KIF6: variants seen among roughly 807,000 people sequenced by gnomAD.
KIF6 encodes kinesin family member 6.
Under a neutral mutation model 112.7 loss-of-function variants are expected in KIF6, and 106 were observed. The ratio of observed to expected loss-of-function variants is 0.94; its 90% CI spans 0.80 to 1.11. KIF6 has a LOEUF of 1.11. KIF6 is among the 50% of genes least tolerant of loss of function. KIF6 has a pLI of 0.00. For missense variants in KIF6, 929 were observed against 964.0 expected (o/e 0.96, Z 0.48); for synonymous variants, 339 against 339.9 (o/e 1.00, Z 0.03).
At chr6:39,390,516 T>G (rs1286964138) in intron 15 of KIF6, among the ~76,000 whole-genome samples, 2 of 152,136 alleles carry the variant, frequency 1.3e-5, no homozygotes, top group Non-Finnish European at 2.9e-5. Flanking sequence ...AGGCCAAGTA[T>G]ATACTGGTTT....
intron 13 of KIF6, among the ~76,000 whole-genome samples, chr6:39,534,670 G>T (rs375096499): frequency 8.6e-5 from 13 of 151,800 alleles, no homozygotes; most frequent in East Asian, 5.9e-4. Flanking sequence ...TTCCCCAATC[G>T]AGCAAGGCAG....
intron 4 of KIF6, among the ~76,000 whole-genome samples, 192 bp from the exon 5 acceptor site, chr6:39,635,150 A>T (rs1784560840): frequency 6.6e-6 from 1 of 151,966 alleles, no homozygotes; most frequent in African/African-American, 2.4e-5. Context: ...TTTAATGGCC[A>T]ACACCCATGA....
chr6:39,722,962 T>A (rs1361966542), intron 1 of KIF6, among the ~76,000 whole-genome samples: 1 of 152,180 alleles, frequency 6.6e-6, no homozygotes, highest in Non-Finnish European at 1.5e-5. Context: ...CAGTATTAAA[T>A]CCAAGACTCT....
intron 5 of KIF6, among the ~76,000 whole-genome samples, chr6:39,618,101 T>C (rs947876292): frequency 2.2e-4 from 34 of 152,318 alleles, no homozygotes; most frequent in African/African-American, 7.5e-4. Context: ...CTAAAAGGTT[T>C]CTTTGGTTAT....
At position 39,332,962 on chromosome 6, in the gene KIF6, C is replaced by A. The variant is rs1404349016; in HGVS notation, c.*3570G>T. ...CTGCAGCCTGAAAACTCACTGCAGGCAGTAAGTTGGAGCAATCATAGGGCT... is the reference window on the plus strand; with the variant it reads ...CTGCAGCCTGAAAACTCACTGCAGGAAGTAAGTTGGAGCAATCATAGGGCT... On this transcript the variant is annotated 3_prime_UTR_variant, in exon 23 of 23. Transcript: ENST00000287152. The A allele has an allele frequency of 1.3e-5, 2 of 152,114 alleles. No homozygotes were observed. Among genetic ancestry groups the A allele is most frequent in the African/African-American group, 2.4e-5 (1 of 41,402 alleles). The allele number at this position is 152,114 out of a possible 1,614,324, so 9.4% of individuals were successfully genotyped here. A position where few individuals can be genotyped will look rare whatever the true frequency, so the allele number is the denominator to read the frequency against.
chr6:39,370,263 A>T (rs1461064369), intron 16 of KIF6, among the ~76,000 whole-genome samples: 1 of 152,186 alleles, frequency 6.6e-6, no homozygotes, highest in African/African-American at 2.4e-5. Flanking sequence ...TGTTCTCAGG[A>T]TGCATATGAT....
At chr6:39,559,224 C>G (rs574640047) in intron 10 of KIF6, among the ~76,000 whole-genome samples, 56 of 152,228 alleles carry the variant, frequency 3.7e-4, no homozygotes, top group Non-Finnish European at 6.3e-4. Context: ...TTATTAGAAG[C>G]TGGTAAGAAG....
intron 13 of KIF6, among the ~76,000 whole-genome samples, chr6:39,453,222 G>T (rs527598204): frequency 2.0e-5 from 3 of 152,270 alleles, no homozygotes; most frequent in Non-Finnish European, 4.4e-5. Context: ...TTACCTCTTT[G>T]TCAGCTGCAA....
In KIF6 at chr6:39,405,275, A is replaced by G. The variant is rs577152262; in HGVS notation, c.1810+14673T>C. 3.6e-4 allele frequency among the ~76,000 whole-genome samples: 55 copies of G among 152,320 alleles called. No homozygotes were observed. In the South Asian group the frequency reaches 0.011, roughly 31 times the overall value. ...TATTAAACAGGAGTGGTGAGAGTCAACAACTTTGTCTTGCTGCCGATCTTA... is the reference window on the plus strand; with the variant it reads ...TATTAAACAGGAGTGGTGAGAGTCAGCAACTTTGTCTTGCTGCCGATCTTA... On this transcript the variant is annotated intron_variant, in intron 15 of 22. Transcript: ENST00000287152.
intron 3 of KIF6, among the ~76,000 whole-genome samples, chr6:39,687,680 A>G (rs1332205708): frequency 1.3e-5 from 2 of 152,222 alleles, no homozygotes; most frequent in Admixed American, 1.3e-4. Flanking sequence ...CAACAATGTA[A>G]TAACTGTGTT....
At chr6:39,375,462 T>C (rs1766368880) in intron 16 of KIF6, among the ~76,000 whole-genome samples, 1 of 152,180 alleles carries the variant, frequency 6.6e-6, no homozygotes. Flanking sequence ...CCAAAATATA[T>C]ACAATTATGG....
intron 13 of KIF6, among the ~76,000 whole-genome samples, chr6:39,523,356 T>C (rs948772896): frequency 3.3e-5 from 5 of 151,998 alleles, no homozygotes; most frequent in African/African-American, 1.2e-4. Flanking sequence ...ATAACAGAAA[T>C]ATGGCCATGC....
At chr6:39,584,709 C>T (rs1781519850) in intron 9 of KIF6, among the ~76,000 whole-genome samples, 189 bp downstream of exon 9, 1 of 152,008 alleles carries the variant, frequency 6.6e-6, no homozygotes, top group Admixed American at 6.6e-5. Flanking sequence ...ATCTTTTTAC[C>T]TCAGTTTTGT....
chr6:39,473,059 T>A (rs1031715765), intron 13 of KIF6, among the ~76,000 whole-genome samples: 3 of 152,114 alleles, frequency 2.0e-5, no homozygotes, highest in Admixed American at 2.0e-4. Context: ...GCTAATTTTG[T>A]ATTTTTAGTA....
chr6:39,646,983 C>T (rs1300147155), intron 3 of KIF6, among the ~76,000 whole-genome samples: 2 of 152,186 alleles, frequency 1.3e-5, no homozygotes. Context: ...GCAACTGGAT[C>T]TTTTATAGAG....
At chr6:39,473,079 T>C (rs1452167030) in intron 13 of KIF6, among the ~76,000 whole-genome samples, 1 of 152,106 alleles carries the variant, frequency 6.6e-6, no homozygotes, top group African/African-American at 2.4e-5. Flanking sequence ...AGAGACAGGA[T>C]TTCTCCATGT....
intron 13 of KIF6, among the ~76,000 whole-genome samples, chr6:39,468,273 G>A (rs920821996): frequency 1.3e-5 from 2 of 151,974 alleles, no homozygotes; most frequent in Admixed American, 6.6e-5. Flanking sequence ...AGTACAAGAC[G>A]GAGGGGAGAA....
chr6:39,404,543 C>A (rs1014487481), intron 15 of KIF6, among the ~76,000 whole-genome samples: 7 of 152,166 alleles, frequency 4.6e-5, no homozygotes, highest in Admixed American at 2.0e-4. Context: ...TATTCTTTTG[C>A]CAGTGTCAAC....
intron 3 of KIF6, among the ~76,000 whole-genome samples, chr6:39,707,111 G>T (rs1213080315): frequency 6.6e-6 from 1 of 152,188 alleles, no homozygotes; most frequent in Non-Finnish European, 1.5e-5. Flanking sequence ...TATGTGTATA[G>T]TTCTATGCCG....
Sources: allele counts gnomAD v4.1 joint callset (sites outside exome capture counted in the v4.1 genomes callset), GRCh38; gene constraint gnomAD v4.1.1; transcripts MANE v1.5; gene names NCBI Gene and HGNC (gene_info 2026-07-23, HGNC 2026-07-21).